Variants in ASTN2 observed in about 807,000 individuals in gnomAD.
ASTN2 encodes astrotactin 2.
A neutral mutation model predicts 139.8 loss-of-function variants in ASTN2; 54 were observed. The ratio of observed to expected loss-of-function variants is 0.39; its 90% CI spans 0.31 to 0.48. ASTN2 has a LOEUF of 0.48. Among genes scored for constraint, ASTN2 ranks in the 20% least tolerant of loss-of-function variants. The probability of loss-of-function intolerance (pLI) is 0.95; values close to 1 mark genes in which losing one functional copy is unlikely to be tolerated. For missense variants in ASTN2, 1,565 were observed against 1,725.1 expected (o/e 0.91, Z 1.64); for synonymous variants, 756 against 719.5 (o/e 1.05, Z -0.81).
chr9:116,893,997 G>C (rs1308420998), intron 10 of ASTN2, among the ~76,000 whole-genome samples: 1 of 152,162 alleles, frequency 6.6e-6, no homozygotes, highest in Non-Finnish European at 1.5e-5. Flanking sequence ...TGGCCTGGGT[G>C]TTTGCTTTTC....
At chr9:117,194,409 A>G (rs1340352183) in intron 3 of ASTN2, among the ~76,000 whole-genome samples, 2 of 152,218 alleles carry the variant, frequency 1.3e-5, no homozygotes, top group Non-Finnish European at 2.9e-5. Flanking sequence ...TGTGAAATCA[A>G]TTCAGTGGCT....
At chr9:116,671,988 A>G (rs1859224205) in intron 16 of ASTN2, among the ~76,000 whole-genome samples, 1 of 152,188 alleles carries the variant, frequency 6.6e-6, no homozygotes. Flanking sequence ...GGGGAAAAAA[A>G]GTGTGTTGTT....
chr9:117,101,183 C>A (rs1828968136), intron 4 of ASTN2, among the ~76,000 whole-genome samples: 1 of 152,284 alleles, frequency 6.6e-6, no homozygotes, highest in Admixed American at 6.5e-5. Flanking sequence ...GACTCTCCTG[C>A]CTGCTGTGAC....
At chr9:116,631,544 G>A (rs1414485910) in intron 17 of ASTN2, among the ~76,000 whole-genome samples, 6 of 150,590 alleles carry the variant, frequency 4.0e-5, no homozygotes, top group African/African-American at 1.5e-4. Flanking sequence ...GAGATGATTG[G>A]TAGTTACCAG....
At chr9:116,586,405 C>T (rs971156200) in intron 19 of ASTN2, 1 of 152,156 alleles carries the variant, frequency 6.6e-6, no homozygotes, top group African/African-American at 2.4e-5. Context: ...TGCCCATCAA[C>T]AGTGGACTGG....
intron 19 of ASTN2, among the ~76,000 whole-genome samples, chr9:116,505,812 T>C (rs1269779191): frequency 1.3e-5 from 2 of 152,102 alleles, no homozygotes; most frequent in African/African-American, 4.8e-5. Context: ...GTGCCCTCCT[T>C]GGTGCTCCTG....
intron 10 of ASTN2, among the ~76,000 whole-genome samples, chr9:116,906,164 T>G (rs553839998): frequency 1.2e-4 from 18 of 152,138 alleles, no homozygotes; most frequent in Non-Finnish European, 1.8e-4. Flanking sequence ...TCACAGGCTC[T>G]TGGGAAGACA....
intron 4 of ASTN2, among the ~76,000 whole-genome samples, chr9:117,101,234 G>T (rs1182400273): frequency 2.0e-5 from 3 of 152,166 alleles, no homozygotes; most frequent in Non-Finnish European, 1.5e-5. Flanking sequence ...TACAGCCTCT[G>T]AGTATCCATA....
chr9:117,221,501 T>C (rs1207640125), intron 2 of ASTN2, among the ~76,000 whole-genome samples: 1 of 152,254 alleles, frequency 6.6e-6, no homozygotes, highest in Non-Finnish European at 1.5e-5. Context: ...TCCCTCACTA[T>C]GGCCAAGCCA....
At chr9:117,394,709 G>T (rs1219352324) in intron 1 of ASTN2, among the ~76,000 whole-genome samples, 1 of 152,158 alleles carries the variant, frequency 6.6e-6, no homozygotes, top group African/African-American at 2.4e-5. Flanking sequence ...GGAAAGTAAA[G>T]CTTATTTTCC....
chr9:116,839,542 C>T lies in ASTN2; in HGVS notation c.2041-18759G>A, dbSNP rs373039489. On this transcript the variant is annotated intron_variant, in intron 11 of 22. Transcript: ENST00000313400. Reference sequence around the variant, plus strand: ...TCACCCAGGATGGAGTGCAGTGGCACGATCTTGGCTCACTGCAACCTCTGC... The same window carrying T: ...TCACCCAGGATGGAGTGCAGTGGCATGATCTTGGCTCACTGCAACCTCTGC... Among the ~76,000 whole-genome samples the T allele has an allele frequency of 5.3e-5, 8 of 152,004 alleles. No individual in the cohort carries two copies. In the East Asian group the frequency reaches 7.8e-4, roughly 15 times the overall value.
chr9:117,260,517 A>G (rs1353956215), intron 2 of ASTN2, among the ~76,000 whole-genome samples: 9 of 152,128 alleles, frequency 5.9e-5, no homozygotes, highest in Admixed American at 5.9e-4. Flanking sequence ...CTTATCAAAA[A>G]CCATATACAA....
At chr9:117,215,771 A>G (rs556855114) in intron 2 of ASTN2, among the ~76,000 whole-genome samples, 51 of 152,050 alleles carry the variant, frequency 3.4e-4, no homozygotes, top group Admixed American at 2.9e-3. Context: ...GGCCCTCATC[A>G]CTTCTCTTGC....
intron 1 of ASTN2, among the ~76,000 whole-genome samples, chr9:117,298,702 ATGTG>A (rs60775898): frequency 0.012 from 1,571 of 136,192 alleles, 19 homozygotes; most frequent in African/African-American, 0.028. Context: ...GTGCATATGT[ATGTG>A]TGTGTGTGTG....
chr9:116,456,296 T>G (rs887560973), intron 20 of ASTN2, among the ~76,000 whole-genome samples: 3 of 152,120 alleles, frequency 2.0e-5, no homozygotes, highest in South Asian at 2.1e-4. Flanking sequence ...TAAATTTAAC[T>G]GAAGAAGTGA....
rs181742589 is a variant in ASTN2, at chr9:117,060,755, T to C, written c.1277-20790A>G. Among the ~76,000 whole-genome samples the C allele has an allele frequency of 6.6e-3, 995 of 151,376 alleles. 4 individuals are homozygous for C. Among genetic ancestry groups the C allele is most frequent in the African/African-American group, 0.013 (521 of 41,244 alleles). ...AAAAATACAAAAAAAATTAGCCGGG[T>C]GTGATGGCAGGCACCTGTAGTCCCA... is the stretch of plus-strand genomic sequence containing the variant. On this transcript the variant is annotated intron_variant, in intron 5 of 22. Transcript: ENST00000313400.
intron 6 of ASTN2, among the ~76,000 whole-genome samples, chr9:117,033,389 G>C (rs1053627849): frequency 1.3e-5 from 2 of 152,022 alleles, no homozygotes; most frequent in South Asian, 4.1e-4. Flanking sequence ...ACCATTACTA[G>C]GTCTTAGGTA....
chr9:116,535,842 G>T (rs1464746912), intron 19 of ASTN2, among the ~76,000 whole-genome samples: 1 of 152,106 alleles, frequency 6.6e-6, no homozygotes, highest in Non-Finnish European at 1.5e-5. Flanking sequence ...TCTTGGAGTT[G>T]TTCTTCTTGA....
chr9:117,303,166 C>T (rs1480596031), intron 1 of ASTN2, among the ~76,000 whole-genome samples: 1 of 152,152 alleles, frequency 6.6e-6, no homozygotes, highest in Admixed American at 6.5e-5. Flanking sequence ...ATGACTTTTG[C>T]TAGATCATAA....
Sources: gnomAD v4.1 joint callset for allele counts (sites outside exome capture counted in the v4.1 genomes callset) on GRCh38, gnomAD v4.1.1 for gene constraint, MANE v1.5 for transcripts, NCBI Gene and HGNC (gene_info 2026-07-23, HGNC 2026-07-21) for gene names.